The following NTM variants were observed in gnomAD, a reference collection of about 807,000 sequenced individuals.
NTM encodes IgLON family member 2.
Under a neutral mutation model 42.1 loss-of-function variants are expected in NTM, and 13 were observed. That is an observed-to-expected ratio of 0.31 (90% CI 0.20 to 0.49). The LOEUF (loss-of-function observed/expected upper bound fraction) is 0.49. NTM is among the 20% of genes least tolerant of loss of function. The pLI is 0.99. For missense variants in NTM, 373 were observed against 452.8 expected (o/e 0.82, Z 1.60); for synonymous variants, 187 against 179.2 (o/e 1.04, Z -0.35).
intron 7 of NTM, 105 bp from the exon 8 acceptor site, chr11:132,330,048 T>C (rs888263038): frequency 4.0e-6 from 6 of 1,510,948 alleles, no homozygotes; most frequent in Non-Finnish European, 4.5e-6. Flanking sequence ...GCAGGGACGC[T>C]GCTGCGCCAG....
chr11:132,289,475 A>T (rs2139978010), intron 4 of NTM, among the ~76,000 whole-genome samples: 1 of 152,090 alleles, frequency 6.6e-6, no homozygotes, highest in Middle Eastern at 3.4e-3. Context: ...TCTCTCCGTG[A>T]TTTCCCCCTG....
chr11:132,169,104 A>C (rs1172253291), intron 3 of NTM, among the ~76,000 whole-genome samples: 2 of 151,972 alleles, frequency 1.3e-5, no homozygotes, highest in Non-Finnish European at 2.9e-5. Context: ...GGTTATAATC[A>C]CACAGGCATT....
At chr11:131,624,944 G>C (rs2062954950) in intron 1 of NTM, among the ~76,000 whole-genome samples, 1 of 152,040 alleles carries the variant, frequency 6.6e-6, no homozygotes, top group African/African-American at 2.4e-5. Context: ...AAGCATTTTT[G>C]CTCCCTCAAA....
intron 1 of NTM, among the ~76,000 whole-genome samples, chr11:131,600,177 G>T (rs1359491877): frequency 6.6e-6 from 1 of 152,152 alleles, no homozygotes; most frequent in Non-Finnish European, 1.5e-5. Flanking sequence ...TGGGGATCTG[G>T]GGTGAGGGTT....
At chr11:131,928,154 G>A (rs1030941823) in intron 2 of NTM, among the ~76,000 whole-genome samples, 10 of 151,830 alleles carry the variant, frequency 6.6e-5, no homozygotes, top group Non-Finnish European at 1.5e-4. Flanking sequence ...AACATCGGTA[G>A]AAGCACTTAA....
chr11:131,927,669 A>C (rs80238596), intron 2 of NTM, among the ~76,000 whole-genome samples: 2,385 of 152,286 alleles, frequency 0.016, 26 homozygotes, highest in Non-Finnish European at 0.025. Context: ...ACTTACTAAC[A>C]GGAAGAAGGA....
intron 1 of NTM, among the ~76,000 whole-genome samples, chr11:131,477,548 G>A (rs185743579): frequency 4.0e-5 from 6 of 151,700 alleles, no homozygotes; most frequent in Middle Eastern, 3.4e-3. Context: ...CAGAGGATGC[G>A]CCCTCTGCTT....
At chr11:132,027,316 G>A (rs1440299222) in intron 2 of NTM, among the ~76,000 whole-genome samples, 1 of 152,190 alleles carries the variant, frequency 6.6e-6, no homozygotes, top group Admixed American at 6.5e-5. Context: ...AGGAATCCCT[G>A]ATAAATAAAA....
chr11:131,373,354 A>G (rs1196060631), intron 1 of NTM, among the ~76,000 whole-genome samples: 1 of 152,086 alleles, frequency 6.6e-6, no homozygotes, highest in Non-Finnish European at 1.5e-5. Flanking sequence ...GGTTCTTCCT[A>G]GAGCTGCTGC....
intron 1 of NTM, among the ~76,000 whole-genome samples, chr11:131,746,049 C>T (rs1457819289): frequency 1.3e-5 from 2 of 152,036 alleles, no homozygotes; most frequent in Non-Finnish European, 2.9e-5. Flanking sequence ...CAGGGGTGTT[C>T]CCAACCCTCA....
chr11:132,240,002 T>G (rs536136101), intron 4 of NTM, among the ~76,000 whole-genome samples: 1 of 150,594 alleles, frequency 6.6e-6, no homozygotes, highest in South Asian at 2.2e-4. Context: ...ATCCATCCAT[T>G]CATCCATCCA....
chr11:132,150,987 C>G (rs564814320), intron 3 of NTM, among the ~76,000 whole-genome samples: 4 of 152,166 alleles, frequency 2.6e-5, no homozygotes, highest in African/African-American at 9.7e-5. Flanking sequence ...TGAACATAAT[C>G]TTTTTGTCCA....
At chr11:131,578,007 T>A (rs545800688) in intron 1 of NTM, among the ~76,000 whole-genome samples, 1 of 152,318 alleles carries the variant, frequency 6.6e-6, no homozygotes, top group South Asian at 2.1e-4. Context: ...AGCTAACAGG[T>A]ACTGAACAAC....
At chr11:132,137,769 G>T (rs1264178373) in intron 2 of NTM, among the ~76,000 whole-genome samples, 1 of 152,118 alleles carries the variant, frequency 6.6e-6, no homozygotes, top group Non-Finnish European at 1.5e-5. Context: ...GATGGACCCT[G>T]CTTCCTCCCC....
intron 1 of NTM, among the ~76,000 whole-genome samples, chr11:131,443,227 G>C (rs1413295912): frequency 6.6e-6 from 1 of 152,100 alleles, no homozygotes; most frequent in African/African-American, 2.4e-5. Flanking sequence ...GTAGAGCACT[G>C]GAAAGAAGGG....
chr11:132,190,107 T>C (rs187183891), intron 3 of NTM, among the ~76,000 whole-genome samples: 4 of 152,322 alleles, frequency 2.6e-5, no homozygotes, highest in Admixed American at 2.0e-4. Flanking sequence ...GAGCCCTTGT[T>C]GTGTGCTGGG....
intron 2 of NTM, among the ~76,000 whole-genome samples, chr11:132,084,464 A>T (rs2059456781): frequency 6.6e-6 from 1 of 152,154 alleles, no homozygotes; most frequent in Non-Finnish European, 1.5e-5. Flanking sequence ...ATGTCAGATA[A>T]TCCTGTTCAT....
At chr11:132,192,684 C>T (rs117285417) in intron 3 of NTM, among the ~76,000 whole-genome samples, 3,396 of 152,172 alleles carry the variant, frequency 0.022, 58 homozygotes, top group Middle Eastern at 0.037. Context: ...GAGATAATCC[C>T]CCCACTTAAA....
At chr11:131,629,714 G>A (rs895177032) in intron 1 of NTM, among the ~76,000 whole-genome samples, 1 of 152,138 alleles carries the variant, frequency 6.6e-6, no homozygotes, top group Non-Finnish European at 1.5e-5. Flanking sequence ...GCTGAACAGA[G>A]GACAGAACCT....
Sources: gnomAD v4.1 joint callset for allele counts (sites outside exome capture counted in the v4.1 genomes callset) on GRCh38, gnomAD v4.1.1 for gene constraint, MANE v1.5 for transcripts, NCBI Gene and HGNC (gene_info 2026-07-23, HGNC 2026-07-21) for gene names.